Variants in LRRC4C observed in about 807,000 individuals in gnomAD.
LRRC4C encodes the protein leucine rich repeat containing 4C.
LRRC4C carries 5 observed loss-of-function variants against 33.6 expected under a neutral mutation model. The ratio of observed to expected loss-of-function variants is 0.15; its 90% CI spans 0.08 to 0.31. The LOEUF (loss-of-function observed/expected upper bound fraction) is 0.31. LRRC4C is among the 10% of genes least tolerant of loss of function. The pLI, the probability that LRRC4C is intolerant of heterozygous loss-of-function variation, is 1.00. For missense variants in LRRC4C, 560 were observed against 796.7 expected, an observed-to-expected ratio of 0.70 and a Z score of 3.58; for synonymous variants, 329 against 302.0, an observed-to-expected ratio of 1.09 and a Z score of -0.93.
At chr11:41,320,437 T>C (rs1221876272) in intron 1 of LRRC4C, among the ~76,000 whole-genome samples, 1 of 152,206 alleles carries the variant, frequency 6.6e-6, no homozygotes, top group Non-Finnish European at 1.5e-5. Flanking sequence ...GAAAAATGCT[T>C]TCAATAGAAT....
At position 41,456,226 on chromosome 11, in the gene LRRC4C, C is replaced by T. The variant is rs531142434; in HGVS notation, c.-496+3205G>A. Among the ~76,000 whole-genome samples the T allele has an allele frequency of 3.3e-5, 5 of 152,248 alleles. No homozygotes were observed. In the East Asian group the frequency reaches 9.7e-4, roughly 29 times the overall value. On this transcript the variant is annotated intron_variant, in intron 1 of 6. Transcript: ENST00000528697. ...AGCCACAGTTTCAGCATCAGCTCAG[C>T]TCTTTGAGCTAACATACAGCTCTAG...
At chr11:40,506,864 A>G (rs75510387) in intron 3 of LRRC4C, among the ~76,000 whole-genome samples, 16,794 of 152,094 alleles carry the variant, frequency 0.11, 997 homozygotes, top group Middle Eastern at 0.16. Context: ...GTCATTTTAA[A>G]TGACTGAAAA....
At chr11:40,449,082 T>C (rs1273741924) in intron 3 of LRRC4C, among the ~76,000 whole-genome samples, 1 of 152,236 alleles carries the variant, frequency 6.6e-6, no homozygotes, top group Non-Finnish European at 1.5e-5. Flanking sequence ...CTTTGCCTAC[T>C]TTTTGATGGG....
At chr11:41,115,531 A>G (rs1942072144) in intron 1 of LRRC4C, among the ~76,000 whole-genome samples, 1 of 152,124 alleles carries the variant, frequency 6.6e-6, no homozygotes, top group Non-Finnish European at 1.5e-5. Flanking sequence ...GGAAGGCAAT[A>G]TAAATAAGCC....
At chr11:40,149,162 G>A (rs1309625490) in intron 5 of LRRC4C, among the ~76,000 whole-genome samples, 1 of 151,996 alleles carries the variant, frequency 6.6e-6, no homozygotes, top group Admixed American at 6.6e-5. Flanking sequence ...GCTTTTTGTG[G>A]GTGTTAAGGG....
chr11:40,612,780 ATAAACT>A (rs1217905221), intron 3 of LRRC4C, among the ~76,000 whole-genome samples: 1 of 151,898 alleles, frequency 6.6e-6, no homozygotes. Flanking sequence ...GCAAGCTGAA[ATAAACT>A]TAATACAGGC....
intron 2 of LRRC4C, among the ~76,000 whole-genome samples, chr11:40,922,558 GT>G (rs1957225560): frequency 6.6e-6 from 1 of 152,096 alleles, no homozygotes; most frequent in Non-Finnish European, 1.5e-5. Flanking sequence ...TATGCATGTG[GT>G]AAAAGATGTG....
chr11:40,492,840 A>G (rs185061285), intron 3 of LRRC4C, among the ~76,000 whole-genome samples: 372 of 152,156 alleles, frequency 2.4e-3, no homozygotes, highest in Non-Finnish European at 4.0e-3. Flanking sequence ...CTGATGGTGA[A>G]ACGGCCCAAA....
At chr11:41,112,012 A>C (rs1941860793) in intron 1 of LRRC4C, among the ~76,000 whole-genome samples, 1 of 152,102 alleles carries the variant, frequency 6.6e-6, no homozygotes, top group Non-Finnish European at 1.5e-5. Context: ...GGATGTAAAA[A>C]GTATTAGAAA....
chr11:40,506,978 C>T (rs530702770), intron 3 of LRRC4C, among the ~76,000 whole-genome samples: 1 of 152,092 alleles, frequency 6.6e-6, no homozygotes, highest in Admixed American at 6.5e-5. Context: ...GGTAAGTCTA[C>T]TAAGTATATA....
chr11:41,155,444 G>C lies in LRRC4C; in HGVS notation c.-495-221721C>G, dbSNP rs529193769. Among the ~76,000 whole-genome samples the C allele has an allele frequency of 6.6e-5, 10 of 152,252 alleles. 1 individual carries two copies. In the South Asian group the frequency reaches 2.1e-3, roughly 32 times the overall value. On this transcript the variant is annotated intron_variant, in intron 1 of 6. Coordinates refer to ENST00000528697, the MANE Select transcript of LRRC4C (RefSeq NM_001258419.2). ...AACCAAGTTCAGTGAAGTGGCTGTTGAAGGAGGCTGATGAAGATTTAAAGG... is the reference window on the plus strand; with the variant it reads ...AACCAAGTTCAGTGAAGTGGCTGTTCAAGGAGGCTGATGAAGATTTAAAGG...
chr11:41,337,368 C>T (rs893920116), intron 1 of LRRC4C, among the ~76,000 whole-genome samples: 2 of 152,080 alleles, frequency 1.3e-5, no homozygotes, highest in Non-Finnish European at 2.9e-5. Flanking sequence ...TAAAGACAAA[C>T]AAAACTTAAC....
At chr11:40,433,929 C>A (rs911614777) in intron 3 of LRRC4C, among the ~76,000 whole-genome samples, 1 of 152,020 alleles carries the variant, frequency 6.6e-6, no homozygotes, top group African/African-American at 2.4e-5. Flanking sequence ...GAGAAATTTT[C>A]AAAAAACTTG....
intron 1 of LRRC4C, among the ~76,000 whole-genome samples, chr11:41,178,734 C>T (rs1302684382): frequency 2.0e-5 from 3 of 152,146 alleles, no homozygotes; most frequent in Admixed American, 6.6e-5. Flanking sequence ...GACGGAGTCT[C>T]GCTCTGTCCC....
intron 1 of LRRC4C, among the ~76,000 whole-genome samples, chr11:41,032,639 A>G (rs2019423): frequency 0.51 from 77,493 of 151,710 alleles, 20,711 homozygotes; most frequent in East Asian, 0.65. Context: ...AAATGTTGAA[A>G]ATCTGTAGCC....
At chr11:40,707,364 A>G (rs1008304778) in intron 2 of LRRC4C, among the ~76,000 whole-genome samples, 1 of 152,136 alleles carries the variant, frequency 6.6e-6, no homozygotes, top group Non-Finnish European at 1.5e-5. Flanking sequence ...AATAGCTCTT[A>G]TTATTTTGAG....
At chr11:40,302,330 A>AT (rs1944814466) in intron 4 of LRRC4C, among the ~76,000 whole-genome samples, 1 of 152,050 alleles carries the variant, frequency 6.6e-6, no homozygotes, top group Admixed American at 6.6e-5. Flanking sequence ...TTGAATTTCA[A>AT]TTTTTTACTT....
At chr11:40,709,974 T>A (rs903794893) in intron 2 of LRRC4C, among the ~76,000 whole-genome samples, 3 of 152,214 alleles carry the variant, frequency 2.0e-5, no homozygotes, top group Non-Finnish European at 4.4e-5. Flanking sequence ...TTCCACTTGA[T>A]CAAATTGGCT....
At chr11:41,393,886 C>T (rs1953701481) in intron 1 of LRRC4C, among the ~76,000 whole-genome samples, 2 of 151,980 alleles carry the variant, frequency 1.3e-5, no homozygotes, top group African/African-American at 4.8e-5. Flanking sequence ...CATTTCCTTG[C>T]ATATGTTTAC....
Sources: allele counts gnomAD v4.1 joint callset (sites outside exome capture counted in the v4.1 genomes callset), GRCh38; gene constraint gnomAD v4.1.1; transcripts MANE v1.5; gene names NCBI Gene and HGNC (gene_info 2026-07-23, HGNC 2026-07-21).